The following OSBPL10 variants were observed in gnomAD, a reference collection of about 807,000 sequenced individuals.
The protein encoded by OSBPL10 is oxysterol-binding protein-related protein 10.
Under a neutral mutation model 81.7 loss-of-function variants are expected in OSBPL10, and 49 were observed. The ratio of observed to expected loss-of-function variants is 0.60; its 90% CI spans 0.48 to 0.76. The LOEUF is 0.76. OSBPL10 is among the 30% of genes least tolerant of loss of function. OSBPL10 has a pLI of 0.00. For missense variants in OSBPL10, 923 were observed against 987.8 expected (o/e 0.93, Z 0.88); for synonymous variants, 419 against 383.6 (o/e 1.09, Z -1.08).
intron 4 of OSBPL10, among the ~76,000 whole-genome samples, chr3:31,818,370 A>G (rs1360898477): frequency 2.0e-5 from 3 of 152,154 alleles, no homozygotes; most frequent in Non-Finnish European, 2.9e-5. Flanking sequence ...CACCCTGCAG[A>G]TTTTGAAGTT....
intron 2 of OSBPL10, among the ~76,000 whole-genome samples, chr3:32,043,918 A>T (rs925093078): frequency 2.6e-5 from 4 of 152,084 alleles, no homozygotes; most frequent in African/African-American, 9.6e-5. Context: ...TAGAGGGGGA[A>T]TGGAGGGAGG....
chr3:32,069,414 T>C (rs1192663939), intron 1 of OSBPL10, among the ~76,000 whole-genome samples: 1 of 152,102 alleles, frequency 6.6e-6, no homozygotes, highest in Non-Finnish European at 1.5e-5. Flanking sequence ...CGAGATTACA[T>C]GGTTTCCTGC....
At chr3:32,010,494 G>T (rs552115445) in intron 2 of OSBPL10, among the ~76,000 whole-genome samples, 63 of 152,332 alleles carry the variant, frequency 4.1e-4, no homozygotes, top group Admixed American at 1.2e-3. Context: ...AACAGCTCCA[G>T]TCTACAGCTC....
intron 4 of OSBPL10, among the ~76,000 whole-genome samples, chr3:31,786,959 G>C (rs565755955): frequency 1.4e-4 from 21 of 152,268 alleles, no homozygotes; most frequent in African/African-American, 4.8e-4. Flanking sequence ...TCAGGCAAAT[G>C]ATTTAAGAAC....
At chr3:31,975,062 T>TAC (rs1559539047) in intron 1 of OSBPL10, among the ~76,000 whole-genome samples, 1 of 152,132 alleles carries the variant, frequency 6.6e-6, no homozygotes, top group African/African-American at 2.4e-5. Context: ...TCCTCAAATA[T>TAC]ACACACACTT....
intron 6 of OSBPL10, among the ~76,000 whole-genome samples, chr3:31,726,920 T>C (rs1696825667): frequency 6.6e-6 from 1 of 151,338 alleles, no homozygotes; most frequent in African/African-American, 2.5e-5. Context: ...CACAGCCCAC[T>C]GCAGCTTCAA....
chr3:31,816,781 G>A (rs969078405), intron 4 of OSBPL10, among the ~76,000 whole-genome samples: 1 of 152,140 alleles, frequency 6.6e-6, no homozygotes, highest in Non-Finnish European at 1.5e-5. Context: ...CCCGTAGCGG[G>A]TGACTCCTTT....
chr3:31,778,992 A>C (rs1026990779), intron 4 of OSBPL10, among the ~76,000 whole-genome samples: 1 of 152,174 alleles, frequency 6.6e-6, no homozygotes, highest in African/African-American at 2.4e-5. Context: ...AGGAGAGATA[A>C]AGTCTTTCTC....
chr3:31,939,390 G>A (rs571076912), intron 1 of OSBPL10, among the ~76,000 whole-genome samples: 7 of 150,864 alleles, frequency 4.6e-5, no homozygotes, highest in East Asian at 3.9e-4. Flanking sequence ...TGACCTACCC[G>A]CCCTAGCTTC....
At chr3:31,965,155 G>T (rs1265047707) in intron 1 of OSBPL10, among the ~76,000 whole-genome samples, 1 of 151,608 alleles carries the variant, frequency 6.6e-6, no homozygotes, top group Non-Finnish European at 1.5e-5. Flanking sequence ...GGATCACGAG[G>T]TCAGGAGATT....
At chr3:31,705,188 C>G (rs1241830015) in intron 6 of OSBPL10, among the ~76,000 whole-genome samples, 1 of 152,222 alleles carries the variant, frequency 6.6e-6, no homozygotes, top group Non-Finnish European at 1.5e-5. Flanking sequence ...GGACTGTTTT[C>G]TCTCCCACAG....
intron 4 of OSBPL10, among the ~76,000 whole-genome samples, chr3:31,760,572 T>C (rs1461575327): frequency 6.6e-6 from 1 of 152,248 alleles, no homozygotes; most frequent in East Asian, 1.9e-4. Flanking sequence ...AGTTTGTACA[T>C]GTTCAATATA....
At chr3:32,060,754 G>A (rs1315584388) in intron 1 of OSBPL10, among the ~76,000 whole-genome samples, 2 of 90,012 alleles carry the variant, frequency 2.2e-5, no homozygotes, top group Non-Finnish European at 3.0e-5. Context: ...TCGGGAGTTC[G>A]CAACCACCCT....
intron 6 of OSBPL10, chr3:31,703,671 C>T (rs1695969205): frequency 6.6e-6 from 1 of 152,198 alleles, no homozygotes; most frequent in Non-Finnish European, 1.5e-5. Flanking sequence ...GGTGTTCCTT[C>T]CCTCCTGGGG....
chr3:32,026,061 AG>A lies in OSBPL10; in HGVS notation n.298+20429del, dbSNP rs1184678206. The stretch of plus-strand genomic sequence containing the variant: ...ATAGATAGATAGATAGATAGATGAT[AG>A]ATAGATAGATAGATAGATAGATAGA... On this transcript the variant is annotated intron_variant and non_coding_transcript_variant, in intron 2 of 3. Coordinates refer to the OSBPL10 transcript ENST00000479173. Among the ~76,000 whole-genome samples, 6 of 90,764 alleles carry A rather than the reference AG, an allele frequency of 6.6e-5. 1 individual carries two copies. In the East Asian group the frequency reaches 1.4e-3, roughly 21 times the overall value. 59.5% of individuals were successfully genotyped at this position (90,764 alleles called of 152,430 possible). A position where few individuals can be genotyped will look rare whatever the true frequency, so the allele number is the denominator to read the frequency against.
chr3:31,882,093 T>G lies in OSBPL10; in HGVS notation c.282-2263A>C, dbSNP rs548701958. Among the ~76,000 whole-genome samples, 3 of 152,336 alleles carry G rather than the reference T, an allele frequency of 2.0e-5. No individual in the cohort carries two copies. The South Asian group carries it at 6.2e-4, about 32-fold the overall frequency. On this transcript the variant is annotated intron_variant, in intron 1 of 11. Coordinates refer to ENST00000396556, the MANE Select transcript of OSBPL10 (RefSeq NM_017784.5). The stretch of plus-strand genomic sequence containing the variant: ...GAGATAATGAAGCTGAAAGCTCCTT[T>G]GCCTGGCAGTAGAGGTCCCTACTTA...
At chr3:31,810,217 C>G (rs1426972249) in intron 4 of OSBPL10, among the ~76,000 whole-genome samples, 1 of 152,108 alleles carries the variant, frequency 6.6e-6, no homozygotes, top group African/African-American at 2.4e-5. Context: ...AAAGTCAAAA[C>G]AGTAAAGCCA....
At chr3:31,731,429 G>A (rs1696968162) in intron 6 of OSBPL10, among the ~76,000 whole-genome samples, 1 of 151,716 alleles carries the variant, frequency 6.6e-6, no homozygotes, top group Non-Finnish European at 1.5e-5. Context: ...GCTCTGGCTA[G>A]TTCTTCTTCT....
chr3:31,846,725 T>C (rs894149138), intron 3 of OSBPL10, among the ~76,000 whole-genome samples: 2 of 151,946 alleles, frequency 1.3e-5, no homozygotes, highest in Non-Finnish European at 2.9e-5. Context: ...TACCACTCTC[T>C]TGACTACCCT....
Sources: gnomAD v4.1 joint callset for allele counts (sites outside exome capture counted in the v4.1 genomes callset) on GRCh38, gnomAD v4.1.1 for gene constraint, MANE v1.5 for transcripts, NCBI Gene and HGNC (gene_info 2026-07-23, HGNC 2026-07-21) for gene names.